Variants in PRKCE observed in about 807,000 individuals in gnomAD.
PRKCE encodes protein kinase C epsilon type.
In PRKCE, 16 loss-of-function variants were observed where a neutral mutation model predicts 85.4. The observed-to-expected ratio is 0.19, with a 90% CI of 0.13 to 0.28. PRKCE has a LOEUF of 0.28. Ranked by LOEUF, PRKCE falls within the 10% of genes least tolerant of loss-of-function variation. PRKCE has a pLI of 1.00. For synonymous variants in PRKCE, 388 were observed against 371.5 expected, an observed-to-expected ratio of 1.04 and a Z score of -0.51; for missense variants, 573 against 975.2, an observed-to-expected ratio of 0.59 and a Z score of 5.49.
chr2:45,996,623 TA>T (rs34175980), intron 6 of PRKCE, among the ~76,000 whole-genome samples: 95,692 of 151,930 alleles, frequency 0.63, 30,305 homozygotes, highest in Admixed American at 0.68. Context: ...AGTCTATTGA[TA>T]ACAATTGATT....
intron 8 of PRKCE, among the ~76,000 whole-genome samples, chr2:46,005,726 C>G (rs961876086): frequency 2.6e-5 from 4 of 152,122 alleles, no homozygotes; most frequent in Non-Finnish European, 5.9e-5. Context: ...TGCACCAGCC[C>G]TGAGGCCACA....
rs10532828 is a variant in PRKCE, at chr2:45,681,288, C to CAAAAA, written c.348+28866_348+28870dup. Among the ~76,000 whole-genome samples the CAAAAA allele has an allele frequency of 2.3e-3, 141 of 61,778 alleles. 4 individuals carry two copies. The highest frequency in any genetic ancestry group is 6.2e-3 in the East Asian group (9 of 1,448). 40.5% of individuals were successfully genotyped at this position (61,778 alleles called of 152,430 possible). The stretch of plus-strand genomic sequence containing the variant: ...TGGGAGACAGAGCAAGACTCTGTCT[C>CAAAAA]AAAAAAAAAAAAAAAAAAAAAAAAA... On this transcript the variant is annotated intron_variant, in intron 1 of 14. Coordinates refer to ENST00000306156, the MANE Select transcript of PRKCE (RefSeq NM_005400.3).
At chr2:45,688,261 AAATTTTTTTAGT>A (rs1409915850) in intron 1 of PRKCE, among the ~76,000 whole-genome samples, 26 of 152,226 alleles carry the variant, frequency 1.7e-4, no homozygotes, top group Non-Finnish European at 2.6e-4. Context: ...CTGGGCAGGT[AAATTTTTTTAGT>A]ATTAAAAAAA....
intron 3 of PRKCE, 146 bp from the exon 4 acceptor site, chr2:45,978,830 G>T: frequency 1.5e-6 from 1 of 667,836 alleles, no homozygotes; most frequent in East Asian, 2.7e-5. Flanking sequence ...AAGGCACCTT[G>T]CAAGTGAGAG....
chr2:46,136,196 C>T (rs1674978198), intron 11 of PRKCE, among the ~76,000 whole-genome samples: 1 of 152,138 alleles, frequency 6.6e-6, no homozygotes. Flanking sequence ...GTGGAATTTG[C>T]ATGCCAGGGA....
chr2:45,976,625 C>G (rs1361341107), intron 3 of PRKCE, 37 bp downstream of exon 3: 5 of 1,590,700 alleles, frequency 3.1e-6, no homozygotes, highest in Non-Finnish European at 4.3e-6. Context: ...ATTACAACAT[C>G]TCTGTTACAA....
chr2:45,929,652 G>T (rs940092415), intron 2 of PRKCE, among the ~76,000 whole-genome samples: 32 of 152,120 alleles, frequency 2.1e-4, no homozygotes, highest in Non-Finnish European at 4.6e-4. Context: ...CCTGGAAATT[G>T]GTTACCATTG....
intron 11 of PRKCE, among the ~76,000 whole-genome samples, chr2:46,142,040 T>C (rs536246440): frequency 3.1e-4 from 47 of 152,298 alleles, no homozygotes; most frequent in Admixed American, 5.2e-4. Flanking sequence ...AGGAGACTCC[T>C]GGGGCAGGAA....
chr2:46,047,460 C>G (rs571393876), intron 10 of PRKCE, among the ~76,000 whole-genome samples: 1 of 152,190 alleles, frequency 6.6e-6, no homozygotes, highest in Non-Finnish European at 1.5e-5. Context: ...GGTGATTGTA[C>G]CCTCTGCCCT....
At chr2:45,906,804 G>A (rs1442671104) in intron 2 of PRKCE, among the ~76,000 whole-genome samples, 1 of 152,230 alleles carries the variant, frequency 6.6e-6, no homozygotes, top group Non-Finnish European at 1.5e-5. Context: ...CCTGCTGTAT[G>A]TGCCTACCCT....
At chr2:45,707,953 C>G (rs193032622) in intron 1 of PRKCE, among the ~76,000 whole-genome samples, 1 of 152,332 alleles carries the variant, frequency 6.6e-6, no homozygotes, top group African/African-American at 2.4e-5. Flanking sequence ...GTCTGGTACC[C>G]CTGCGGGTTG....
intron 14 of PRKCE, among the ~76,000 whole-genome samples, chr2:46,179,480 A>G (rs1530668): frequency 0.03 from 4,598 of 152,220 alleles, 86 homozygotes; most frequent in East Asian, 0.086. Flanking sequence ...CTTCCTGACT[A>G]CAGACACCAA....
At chr2:45,882,516 T>G (rs1324799705) in intron 2 of PRKCE, among the ~76,000 whole-genome samples, 1 of 152,224 alleles carries the variant, frequency 6.6e-6, no homozygotes, top group East Asian at 1.9e-4. Flanking sequence ...GGACATGAGT[T>G]CAACTACTCC....
chr2:45,934,351 C>G (rs1330491548), intron 2 of PRKCE, among the ~76,000 whole-genome samples: 1 of 152,124 alleles, frequency 6.6e-6, no homozygotes, highest in Non-Finnish European at 1.5e-5. Flanking sequence ...GATAAATTTC[C>G]TATAAAATTA....
intron 2 of PRKCE, among the ~76,000 whole-genome samples, chr2:45,900,185 G>A (rs1016500594): frequency 6.6e-6 from 1 of 152,212 alleles, no homozygotes; most frequent in Admixed American, 6.5e-5. Flanking sequence ...GTAATGTGGT[G>A]CAGCCCCTGT....
intron 2 of PRKCE, among the ~76,000 whole-genome samples, chr2:45,975,199 C>T (rs753572): frequency 0.4 from 61,451 of 151,990 alleles, 13,049 homozygotes; most frequent in East Asian, 0.7. Flanking sequence ...GGAGTTGTTT[C>T]GAGGGTTCAT....
chr2:45,788,455 T>G (rs1303372439), intron 1 of PRKCE, among the ~76,000 whole-genome samples: 1 of 152,214 alleles, frequency 6.6e-6, no homozygotes, highest in Non-Finnish European at 1.5e-5. Flanking sequence ...TGTTTTTACG[T>G]GCAGTGTCTA....
chr2:46,038,698 C>T (rs1368675110), intron 10 of PRKCE, among the ~76,000 whole-genome samples: 2 of 143,606 alleles, frequency 1.4e-5, no homozygotes, highest in African/African-American at 5.2e-5. Context: ...CACACACACA[C>T]ACACATTTTC....
intron 1 of PRKCE, among the ~76,000 whole-genome samples, chr2:45,830,688 A>ACGG (rs201457469): frequency 3.3e-5 from 5 of 151,918 alleles, no homozygotes; most frequent in African/African-American, 1.2e-4. Context: ...GAATACTAGG[A>ACGG]TAAAGAAGAC....
Sources: allele counts gnomAD v4.1 joint callset (sites outside exome capture counted in the v4.1 genomes callset), GRCh38; gene constraint gnomAD v4.1.1; transcripts MANE v1.5; gene names NCBI Gene and HGNC (gene_info 2026-07-23, HGNC 2026-07-21).